CALN1: variants seen among roughly 807,000 people sequenced by gnomAD.
CALN1 encodes calneuron 1, also known as calcium-binding protein 8.
A neutral mutation model predicts 30.6 loss-of-function variants in CALN1; 17 were observed. The ratio of observed to expected loss-of-function variants is 0.56; its 90% confidence interval spans 0.38 to 0.83. The LOEUF is 0.83. CALN1 is among the 40% of genes least tolerant of loss of function. The pLI, the probability that CALN1 is intolerant of heterozygous loss-of-function variation, is 0.00. For missense variants in CALN1, 291 were observed against 354.9 expected (o/e 0.82, Z 1.45); for synonymous variants, 156 against 131.4 (o/e 1.19, Z -1.28).
At chr7:71,966,157 C>T (rs1023463902) in intron 5 of CALN1, among the ~76,000 whole-genome samples, 13 of 152,284 alleles carry the variant, frequency 8.5e-5, no homozygotes, top group South Asian at 2.1e-4. Flanking sequence ...AGTTTCTATC[C>T]CAACAATTCA....
chr7:71,964,317 A>C (rs1333098501), intron 5 of CALN1, among the ~76,000 whole-genome samples: 1 of 152,146 alleles, frequency 6.6e-6, no homozygotes, highest in Non-Finnish European at 1.5e-5. Context: ...GCAGTGTCTA[A>C]GGGTGAGTGT....
At chr7:72,320,123 G>C (rs995537247) in intron 2 of CALN1, among the ~76,000 whole-genome samples, 1 of 151,968 alleles carries the variant, frequency 6.6e-6, no homozygotes, top group South Asian at 2.1e-4. Context: ...GACACAGCGA[G>C]ACTCCATCTC....
chr7:72,467,811 T>C, the CALN1 span, among the ~76,000 whole-genome samples: 1 of 152,200 alleles, frequency 6.6e-6, no homozygotes, highest in Non-Finnish European at 1.5e-5. Context: ...CATCCACCTC[T>C]ACCTGGTTGC....
chr7:72,189,136 G>GT (rs540586926), intron 3 of CALN1, among the ~76,000 whole-genome samples: 24 of 152,300 alleles, frequency 1.6e-4, no homozygotes, highest in Middle Eastern at 6.8e-3. Flanking sequence ...AAAAACATAC[G>GT]TGAGCTTCAG....
chr7:71,918,200 A>C (rs1794774558), intron 5 of CALN1, among the ~76,000 whole-genome samples: 1 of 152,184 alleles, frequency 6.6e-6, no homozygotes. Flanking sequence ...CACTGTACAC[A>C]CACATGTGTG....
intron 5 of CALN1, among the ~76,000 whole-genome samples, chr7:71,908,149 C>G (rs1488076400): frequency 6.6e-6 from 1 of 152,132 alleles, no homozygotes; most frequent in Non-Finnish European, 1.5e-5. Flanking sequence ...AGATCAAATC[C>G]TCTTTTCTCT....
chr7:72,136,843 G>A (rs1169947986), intron 3 of CALN1, among the ~76,000 whole-genome samples: 14 of 152,164 alleles, frequency 9.2e-5, no homozygotes, highest in Admixed American at 3.3e-4. Context: ...CTGGTTGGTG[G>A]AGCAGTCAGA....
chr7:72,192,159 T>A (rs949242349), intron 3 of CALN1, among the ~76,000 whole-genome samples: 14 of 152,104 alleles, frequency 9.2e-5, no homozygotes, highest in Non-Finnish European at 1.5e-5. Context: ...TAAACCTAGA[T>A]AGTCTAGCCC....
intron 1 of CALN1, among the ~76,000 whole-genome samples, chr7:72,432,598 T>A (rs1361262857): frequency 2.6e-5 from 4 of 152,232 alleles, no homozygotes; most frequent in Non-Finnish European, 5.9e-5. Context: ...CATCCTTGCC[T>A]TCCCGGACTG....
intron 2 of CALN1, among the ~76,000 whole-genome samples, chr7:72,340,497 G>A (rs1802329182): frequency 1.3e-5 from 2 of 152,170 alleles, no homozygotes; most frequent in Admixed American, 1.3e-4. Context: ...TAAGCCAACT[G>A]GGTGGTTGGG....
intron 1 of CALN1, 131 bp from the exon 2 acceptor site, chr7:72,403,573 G>A (rs1262762910): frequency 4.4e-6 from 2 of 453,742 alleles, no homozygotes; most frequent in East Asian, 3.2e-5. Flanking sequence ...CACAATCCTG[G>A]CACAAGAAAT....
chr7:72,192,230 T>A (rs1790661659), intron 3 of CALN1, among the ~76,000 whole-genome samples: 1 of 152,188 alleles, frequency 6.6e-6, no homozygotes, highest in Non-Finnish European at 1.5e-5. Flanking sequence ...CTGTACAACG[T>A]GTTACTGGAC....
chr7:72,026,614 C>T (rs968012470), intron 4 of CALN1, among the ~76,000 whole-genome samples: 16 of 151,834 alleles, frequency 1.1e-4, no homozygotes, highest in Non-Finnish European at 2.2e-4. Context: ...GGGGGTCTTG[C>T]TATGTTGCCC....
At chr7:71,821,913 G>C (rs1236276845) in intron 5 of CALN1, among the ~76,000 whole-genome samples, 3 of 150,978 alleles carry the variant, frequency 2.0e-5, no homozygotes, top group East Asian at 3.9e-4. Flanking sequence ...TCAGCCTCCT[G>C]AGTAGCTGGG....
At chr7:72,421,752 A>C (rs1807619916) in intron 1 of CALN1, among the ~76,000 whole-genome samples, 1 of 151,716 alleles carries the variant, frequency 6.6e-6, no homozygotes, top group Admixed American at 6.6e-5. Flanking sequence ...ACACCCAGCT[A>C]ATTTTTTTGT....
chr7:71,984,617 G>A (rs961117174), intron 5 of CALN1, among the ~76,000 whole-genome samples: 3 of 152,134 alleles, frequency 2.0e-5, no homozygotes, highest in African/African-American at 4.8e-5. Flanking sequence ...GCCCCACCAT[G>A]TGAACATCAC....
intron 2 of CALN1, among the ~76,000 whole-genome samples, chr7:72,310,516 A>G (rs1368883819): frequency 6.6e-6 from 1 of 151,880 alleles, no homozygotes; most frequent in Non-Finnish European, 1.5e-5. Context: ...CCCTAGTGCC[A>G]TTTAGATAAT....
intron 4 of CALN1, among the ~76,000 whole-genome samples, chr7:72,088,735 A>AAGAAGAAAGAAG (rs1394871387): frequency 1.3e-3 from 188 of 149,546 alleles, no homozygotes; most frequent in African/African-American, 3.9e-3. Flanking sequence ...AGAAAGAAGA[A>AAGAAGAAAGAAG]GGAAGGAAGG....
upstream of CALN1, among the ~76,000 whole-genome samples, chr7:72,413,655 AG>A (rs1807322121): frequency 6.6e-6 from 1 of 151,950 alleles, no homozygotes; most frequent in Non-Finnish European, 1.5e-5. Context: ...ATAAACTCAC[AG>A]TTATGCACAC....
Sources: allele counts gnomAD v4.1 joint callset (sites outside exome capture counted in the v4.1 genomes callset), GRCh38; gene constraint gnomAD v4.1.1; transcripts MANE v1.5; gene names NCBI Gene and HGNC (gene_info 2026-07-23, HGNC 2026-07-21).